The following PLCE1 variants were observed in gnomAD, a reference collection of about 807,000 sequenced individuals.
PLCE1 encodes phospholipase C epsilon 1, also known as 1-phosphatidylinositol 4,5-bisphosphate phosphodiesterase epsilon-1.
In PLCE1, 119 loss-of-function variants were observed where a neutral mutation model predicts 242.8. That is an observed-to-expected ratio of 0.49 (90% CI 0.42 to 0.57). The LOEUF is 0.57. Ranked by LOEUF, PLCE1 falls within the 20% of genes least tolerant of loss-of-function variation. The pLI, the probability that PLCE1 is intolerant of heterozygous loss-of-function variation, is 0.00. For missense variants in PLCE1, 2,441 were observed against 2,788.8 expected, an observed-to-expected ratio of 0.88 and a Z score of 2.81; for synonymous variants, 945 against 1,017.4, an observed-to-expected ratio of 0.93 and a Z score of 1.35.
intron 2 of PLCE1, among the ~76,000 whole-genome samples, chr10:94,103,384 C>G (rs2045610924): frequency 6.6e-6 from 1 of 152,198 alleles, no homozygotes; most frequent in African/African-American, 2.4e-5. Flanking sequence ...AGGGGAGTGG[C>G]AGCAGCCCTC....
chr10:94,100,934 T>G (rs2045510317), intron 2 of PLCE1, among the ~76,000 whole-genome samples: 1 of 152,020 alleles, frequency 6.6e-6, no homozygotes, highest in Non-Finnish European at 1.5e-5. Context: ...CATTTAGAGA[T>G]GGAGTGTGAC....
intron 19 of PLCE1, among the ~76,000 whole-genome samples, chr10:94,277,560 T>C (rs967390345): frequency 1.3e-5 from 2 of 152,172 alleles, no homozygotes; most frequent in Non-Finnish European, 2.9e-5. Flanking sequence ...AGCAGTGTCC[T>C]TCTCCCATAC....
chr10:94,060,043 A>G (rs1564654812), intron 2 of PLCE1, among the ~76,000 whole-genome samples: 1 of 152,252 alleles, frequency 6.6e-6, no homozygotes, highest in Non-Finnish European at 1.5e-5. Context: ...GGCAGCAGAA[A>G]ACAATATCCA....
In PLCE1 at chr10:94,253,023, C is replaced by A. The variant is rs555194816; in HGVS notation, c.3279+525C>A. The stretch of plus-strand genomic sequence containing the variant: ...AGAAGAGAACAGAGATCACAGAGGC[C>A]CCAAATACTGTGTGTAGAACACAAT... On this transcript the variant is annotated intron_variant, in intron 9 of 32. Coordinates refer to ENST00000371380, the MANE Select transcript of PLCE1 (RefSeq NM_016341.4). Among the ~76,000 whole-genome samples, 21 of 152,158 alleles carry A rather than the reference C, an allele frequency of 1.4e-4. No individual in the cohort carries two copies. In the South Asian group the frequency reaches 1.9e-3, roughly 14 times the overall value.
In PLCE1 at chr10:94,331,655, TAGAG is replaced by T. The variant is rs2054156713; in HGVS notation, c.*3716_*3719del. 1.3e-5 allele frequency: 2 copies of T among 152,240 alleles called. No individual in the cohort carries two copies. The highest frequency in any genetic ancestry group is 1.3e-4 in the Admixed American group (2 of 15,288). 9.4% of individuals were successfully genotyped at this position (152,240 alleles called of 1,614,324 possible). On this transcript the variant is annotated 3_prime_UTR_variant, in exon 33 of 33. Coordinates refer to ENST00000371380, the MANE Select transcript of PLCE1 (RefSeq NM_016341.4). ...GATATACCTGGGACCCCAAAAAAGT[TAGAG>T]AGAAAAGGGAGATTGTCTCTTATAC... is the stretch of plus-strand genomic sequence containing the variant.
At position 93,994,812 on chromosome 10, in the gene PLCE1, C is replaced by T. The variant is rs3814688; in HGVS notation, c.-365+554C>T. Among the ~76,000 whole-genome samples, 4 of 152,320 alleles carry T rather than the reference C, an allele frequency of 2.6e-5. No homozygotes were observed. In the East Asian group the frequency reaches 5.8e-4, roughly 22 times the overall value. The stretch of plus-strand genomic sequence containing the variant: ...TTTGTGGAAGCTTTCGCCCCTCGCT[C>T]TGTATTTAAGCCATCAGACACTGAG... On this transcript the variant is annotated intron_variant, in intron 1 of 32. Transcript: ENST00000371380.
At chr10:94,227,983 A>T (rs1350277822) in intron 5 of PLCE1, among the ~76,000 whole-genome samples, 1 of 152,254 alleles carries the variant, frequency 6.6e-6, no homozygotes, top group South Asian at 2.1e-4. Flanking sequence ...AAACAGGTTT[A>T]TCAGGTAGAT....
intron 2 of PLCE1, among the ~76,000 whole-genome samples, chr10:94,056,351 T>C (rs1326177713): frequency 6.6e-6 from 1 of 152,212 alleles, no homozygotes; most frequent in African/African-American, 2.4e-5. Context: ...TGTAATTCTG[T>C]CCTTTGAAAC....
At chr10:94,127,112 T>C (rs2135847403) in intron 2 of PLCE1, among the ~76,000 whole-genome samples, 1 of 152,366 alleles carries the variant, frequency 6.6e-6, no homozygotes, top group Non-Finnish European at 1.5e-5. Flanking sequence ...TGGATTCAAT[T>C]GTTATGTAAT....
chr10:94,018,741 C>T (rs374299738), intron 1 of PLCE1, among the ~76,000 whole-genome samples: 65 of 152,136 alleles, frequency 4.3e-4, no homozygotes, highest in African/African-American at 1.4e-3. Flanking sequence ...TAATGATTTC[C>T]TGTAGGGAGG....
chr10:94,115,411 C>T (rs567557707), intron 2 of PLCE1, among the ~76,000 whole-genome samples: 80 of 152,336 alleles, frequency 5.3e-4, no homozygotes, highest in Middle Eastern at 6.8e-3. Context: ...TATTTCTCCA[C>T]ATCCTCTCCA....
rs540545609 is a variant in PLCE1 at position 94,262,756 on chromosome 10, A to C, written c.4053+24A>C. On this transcript the variant is annotated intron_variant, in intron 14 of 32. Transcript: ENST00000371380. ...AGGTTTGTGCCTGTTTTGTGTGTGC[A>C]TGTGTGTGTGATGCCTCTGGCTATT... 7.6e-6 allele frequency: 11 copies of C among 1,444,178 alleles called. No individual in the cohort carries two copies. In the African/African-American group the frequency reaches 1.4e-4, roughly 18 times the overall value. The allele number at this position is 1,444,178 out of a possible 1,614,324, so 89.5% of individuals were successfully genotyped here.
chr10:94,238,207 G>A (rs2050385902), intron 7 of PLCE1, among the ~76,000 whole-genome samples: 1 of 152,216 alleles, frequency 6.6e-6, no homozygotes, highest in Admixed American at 6.5e-5. Context: ...GATCACTTGA[G>A]TCCAGGAATT....
At chr10:94,139,866 G>A (rs2135992006) in intron 3 of PLCE1, among the ~76,000 whole-genome samples, 1 of 152,238 alleles carries the variant, frequency 6.6e-6, no homozygotes, top group South Asian at 2.1e-4. Context: ...GGTTCCTAAG[G>A]TAATATTAGA....
intron 4 of PLCE1, among the ~76,000 whole-genome samples, chr10:94,216,161 C>G (rs1291577751): frequency 6.6e-6 from 1 of 152,118 alleles, no homozygotes; most frequent in African/African-American, 2.4e-5. Context: ...GAATTAATAC[C>G]TGTTAAGTAG....
intron 3 of PLCE1, among the ~76,000 whole-genome samples, chr10:94,145,661 C>T (rs1438036467): frequency 6.6e-6 from 1 of 152,054 alleles, no homozygotes; most frequent in Admixed American, 6.6e-5. Flanking sequence ...AGCTCTTTAC[C>T]ACACACCTGG....
chr10:94,135,579 T>C (rs1012476053), intron 3 of PLCE1, among the ~76,000 whole-genome samples: 11 of 152,250 alleles, frequency 7.2e-5, no homozygotes, highest in African/African-American at 2.2e-4. Context: ...TAGAACACTT[T>C]CCTGGATAAG....
intron 31 of PLCE1, 120 bp downstream of exon 31, chr10:94,324,687 A>G: frequency 9.8e-7 from 1 of 1,022,260 alleles, no homozygotes; most frequent in Non-Finnish European, 1.5e-6. Flanking sequence ...GAATGGAGTT[A>G]GGAGAAAATT....
chr10:94,179,785 C>T (rs889338034), intron 4 of PLCE1, among the ~76,000 whole-genome samples: 10 of 151,768 alleles, frequency 6.6e-5, no homozygotes, highest in African/African-American at 1.5e-4. Context: ...GGATTTCAGA[C>T]GTACGTCACC....
Sources: gnomAD v4.1 joint callset for allele counts (sites outside exome capture counted in the v4.1 genomes callset) on GRCh38, gnomAD v4.1.1 for gene constraint, MANE v1.5 for transcripts, NCBI Gene and HGNC (gene_info 2026-07-23, HGNC 2026-07-21) for gene names.